Variants in ZZZ3 observed in about 807,000 individuals in gnomAD.
ZZZ3 encodes ZZ-type zinc finger-containing protein 3.
ZZZ3 carries 22 observed loss-of-function variants against 95.2 expected under a neutral mutation model. That is an observed-to-expected ratio of 0.23 (90% CI 0.17 to 0.33). The LOEUF is 0.33. Among genes scored for constraint, ZZZ3 ranks in the 10% least tolerant of loss-of-function variants. The pLI, the probability that ZZZ3 is intolerant of heterozygous loss-of-function variation, is 1.00. For synonymous variants in ZZZ3, 335 were observed against 358.9 expected, an observed-to-expected ratio of 0.93 and a Z score of 0.75; for missense variants, 885 against 1,066.5, an observed-to-expected ratio of 0.83 and a Z score of 2.37.
At chr1:77,673,035 C>T (rs1176240782) in intron 1 of ZZZ3, among the ~76,000 whole-genome samples, 1 of 152,132 alleles carries the variant, frequency 6.6e-6, no homozygotes, top group African/African-American at 2.4e-5. Flanking sequence ...TAAGTATACA[C>T]GTCACTCTTA....
chr1:77,569,478 C>T (rs12717767), intron 12 of ZZZ3, among the ~76,000 whole-genome samples: 105,091 of 152,184 alleles, frequency 0.69, 36,895 homozygotes, highest in Non-Finnish European at 0.76. Flanking sequence ...TGACAAGTAG[C>T]TTTCTACTCA....
intron 5 of ZZZ3, among the ~76,000 whole-genome samples, chr1:77,589,706 C>T (rs962628624): frequency 5.3e-5 from 8 of 151,914 alleles, no homozygotes; most frequent in African/African-American, 9.7e-5. Flanking sequence ...ACACTCCTCC[C>T]GCCACAGCCT....
At chr1:77,597,864 G>C (rs1664360581) in intron 5 of ZZZ3, among the ~76,000 whole-genome samples, 1 of 151,994 alleles carries the variant, frequency 6.6e-6, no homozygotes, top group South Asian at 2.1e-4. Flanking sequence ...ACTCAATAAT[G>C]TATAAAGTTG....
chr1:77,573,512 A>G (rs997726165), intron 12 of ZZZ3, among the ~76,000 whole-genome samples: 1 of 152,244 alleles, frequency 6.6e-6, no homozygotes, highest in Non-Finnish European at 1.5e-5. Flanking sequence ...AAGATCAGAC[A>G]TATTTTGTTC....
At chr1:77,579,431 T>A in intron 10 of ZZZ3, 96 bp downstream of exon 10, 1 of 879,246 alleles carries the variant, frequency 1.1e-6, no homozygotes, top group Admixed American at 2.2e-5. Flanking sequence ...TAGCTGAAAG[T>A]GTTATGGCAG....
intron 1 of ZZZ3, among the ~76,000 whole-genome samples, chr1:77,659,420 T>C (rs1670584499): frequency 6.6e-6 from 1 of 151,870 alleles, no homozygotes. Flanking sequence ...TCTCAGCACT[T>C]TGGGAGGCCA....
chr1:77,657,757 T>A (rs1026420157), intron 1 of ZZZ3, among the ~76,000 whole-genome samples: 10 of 152,202 alleles, frequency 6.6e-5, no homozygotes, highest in Non-Finnish European at 1.3e-4. Flanking sequence ...AATTGTTAAA[T>A]TATTTAACAA....
chr1:77,571,693 C>T (rs1274299311), intron 12 of ZZZ3, among the ~76,000 whole-genome samples: 1 of 152,184 alleles, frequency 6.6e-6, no homozygotes, highest in Admixed American at 6.5e-5. Context: ...AGGACAAATA[C>T]TGTATGCTTC....
chr1:77,662,444 C>A (rs957835929), intron 1 of ZZZ3, among the ~76,000 whole-genome samples: 5 of 152,098 alleles, frequency 3.3e-5, no homozygotes, highest in African/African-American at 1.2e-4. Flanking sequence ...GCACCTCACC[C>A]AACAGGTATT....
At chr1:77,669,956 G>A (rs1490461643) in intron 1 of ZZZ3, among the ~76,000 whole-genome samples, 1 of 151,866 alleles carries the variant, frequency 6.6e-6, no homozygotes, top group Non-Finnish European at 1.5e-5. Context: ...ACGGGATTGA[G>A]GTAATAGTTG....
At chr1:77,579,064 T>C (rs892542662) in intron 10 of ZZZ3, among the ~76,000 whole-genome samples, 195 bp from the exon 11 acceptor site, 1 of 152,240 alleles carries the variant, frequency 6.6e-6, no homozygotes, top group Non-Finnish European at 1.5e-5. Flanking sequence ...ATTATTCAAG[T>C]AAATTTAAAT....
chr1:77,664,401 G>T (rs1227895725), intron 1 of ZZZ3, among the ~76,000 whole-genome samples: 2 of 152,066 alleles, frequency 1.3e-5, no homozygotes, highest in African/African-American at 2.4e-5. Flanking sequence ...CTCCCATAAT[G>T]CTTAATAATC....
chr1:77,581,967 A>G lies in ZZZ3; in HGVS notation c.1792+12T>C, dbSNP rs899265182. ...ATTTTTCTACTTAAATTCTTATCAT[A>G]TGATTTCTTACCTTTATCAAAAACT... On this transcript the variant is annotated intron_variant, in intron 7 of 14. Transcript: ENST00000370801. 3.1e-6 allele frequency: 5 copies of G among 1,600,566 alleles called. No homozygotes were observed. The highest frequency in any genetic ancestry group is 4.3e-6 in the Non-Finnish European group (5 of 1,169,594).
At chr1:77,628,582 C>T (rs192720297) in intron 5 of ZZZ3, among the ~76,000 whole-genome samples, 2 of 152,272 alleles carry the variant, frequency 1.3e-5, no homozygotes, top group Admixed American at 6.5e-5. Flanking sequence ...ACAATACTTT[C>T]GCAAACATTT....
At position 77,584,719 on chromosome 1, in the gene ZZZ3, G is replaced by C; in HGVS notation, c.1506-64C>G. 4 of 1,377,108 alleles carry C rather than the reference G, an allele frequency of 2.9e-6. No homozygotes were observed. In the South Asian group the frequency reaches 4.7e-5, roughly 16 times the overall value. The allele number at this position is 1,377,108 out of a possible 1,614,324, so 85.3% of individuals were successfully genotyped here. ...AGTAACAACAATAAATAAAAACTGA[G>C]TTCAAGCCATGATCTACTATTAAGT... On this transcript the variant is annotated intron_variant, in intron 5 of 14. Coordinates refer to ENST00000370801, the MANE Select transcript of ZZZ3 (RefSeq NM_015534.6).
chr1:77,599,482 A>G (rs1664532258), intron 5 of ZZZ3, among the ~76,000 whole-genome samples: 2 of 152,070 alleles, frequency 1.3e-5, no homozygotes, highest in African/African-American at 4.8e-5. Flanking sequence ...TGGGTGGAAG[A>G]TTCTTGCCAT....
chr1:77,657,974 T>C (rs564188765), intron 1 of ZZZ3, among the ~76,000 whole-genome samples: 1 of 151,070 alleles, frequency 6.6e-6, no homozygotes, highest in East Asian at 2.0e-4. Flanking sequence ...AGGTCAGGAG[T>C]TTGAGACCAG....
intron 5 of ZZZ3, among the ~76,000 whole-genome samples, chr1:77,619,534 T>TTA: frequency 6.6e-6 from 1 of 152,204 alleles, no homozygotes; most frequent in African/African-American, 2.4e-5. Context: ...AGGCTTCTAA[T>TTA]GCCTACTGGC....
At chr1:77,661,055 CAAA>C (rs201335878) in intron 1 of ZZZ3, among the ~76,000 whole-genome samples, 33 of 80,312 alleles carry the variant, frequency 4.1e-4, no homozygotes, top group Admixed American at 5.6e-4. Flanking sequence ...TGCTTTAACG[CAAA>C]AAAAAAAAAA....
Sources: gnomAD v4.1 joint callset for allele counts (sites outside exome capture counted in the v4.1 genomes callset) on GRCh38, gnomAD v4.1.1 for gene constraint, MANE v1.5 for transcripts, NCBI Gene and HGNC (gene_info 2026-07-23, HGNC 2026-07-21) for gene names.